The following FLOT2 variants were observed in gnomAD, a reference collection of about 807,000 sequenced individuals.
FLOT2 encodes flotillin-2.
In FLOT2, 35 loss-of-function variants were observed where a neutral mutation model predicts 54.9. The ratio of observed to expected loss-of-function variants is 0.64; its 90% CI spans 0.49 to 0.84. The LOEUF (loss-of-function observed/expected upper bound fraction) is 0.84. FLOT2 is among the 40% of genes least tolerant of loss of function. The pLI is 0.00. For missense variants in FLOT2, 464 were observed against 572.1 expected (o/e 0.81, Z 1.93); for synonymous variants, 207 against 228.9 (o/e 0.90, Z 0.86).
rs2039418897 is a variant in FLOT2, at chr17:28,879,904, A to C, written c.*657T>G. 1 of 986,004 alleles carries C rather than the reference A, an allele frequency of 1.0e-6. No individual in the cohort carries two copies. Among genetic ancestry groups the C allele is most frequent in the African/African-American group, 1.7e-5 (1 of 57,260 alleles). The allele number at this position is 986,004 out of a possible 1,614,324, so 61.1% of individuals were successfully genotyped here. ...AACTGAGGAAGCTGCTGTAGACAGG[A>C]GGCCTTGCCTCTGTGCCCTTGGGGT... On this transcript the variant is annotated 3_prime_UTR_variant, in exon 11 of 11. Transcript: ENST00000394908.
rs1181625425 is a variant in FLOT2 at position 28,897,696 on chromosome 17, C to T, written c.-122G>A. 6.8e-6 allele frequency: 6 copies of T among 886,630 alleles called. No homozygotes were observed. Among genetic ancestry groups the T allele is most frequent in the Non-Finnish European group, 9.0e-6 (6 of 665,134 alleles). 54.9% of individuals were successfully genotyped at this position (886,630 alleles called of 1,614,324 possible). ...CAGCGGCCGGCCGCCCGCTCGCTCG[C>T]CCGCGCCCCTCTGCGGTCGCAGCCC... On this transcript the variant is annotated 5_prime_UTR_variant, in exon 1 of 11. Coordinates refer to ENST00000394908, the MANE Select transcript of FLOT2 (RefSeq NM_004475.3). The surrounding 1 kb of genome is among the most constrained non-coding windows in gnomAD (Gnocchi z 4.4).
chr17:28,882,285 G>A lies in FLOT2; in HGVS notation c.580-48C>T. On this transcript the variant is annotated intron_variant, in intron 6 of 10. Transcript: ENST00000394908. The surrounding 1 kb of genome is among the most constrained non-coding windows in gnomAD (Gnocchi z 5.6). ...GGGAAGGTGAGTGAGTAGAGGTCCT[G>A]AGTCATCATGGTCCCATCACCCCTG... 6.2e-7 allele frequency: 1 copy of A among 1,614,010 alleles called. No homozygotes were observed. Among genetic ancestry groups the A allele is most frequent in the Non-Finnish European group, 8.5e-7 (1 of 1,179,972 alleles).
In FLOT2 at chr17:28,880,468, A is replaced by G; in HGVS notation, c.*93T>C. ...TCTGGTCCCTTCGAGATAAGGCACCAGAGTCAGTAACGTTCCCGTTGTTCT... is the reference window on the plus strand; with the variant it reads ...TCTGGTCCCTTCGAGATAAGGCACCGGAGTCAGTAACGTTCCCGTTGTTCT... On this transcript the variant is annotated 3_prime_UTR_variant, in exon 11 of 11. Transcript: ENST00000394908. 1 of 1,550,066 alleles carries G rather than the reference A, an allele frequency of 6.5e-7. No homozygotes were observed. Among genetic ancestry groups the G allele is most frequent in the Middle Eastern group, 2.2e-4 (1 of 4,484 alleles).
chr17:28,892,122 G>T (rs1396103137), intron 1 of FLOT2, among the ~76,000 whole-genome samples: 1 of 152,126 alleles, frequency 6.6e-6, no homozygotes, highest in Non-Finnish European at 1.5e-5. Flanking sequence ...AAGTGGGGTG[G>T]GGAGGCCTCT....
Position 28,884,458 on chromosome 17 carries a change from T to C in FLOT2, c.132-143A>G, listed in dbSNP as rs2039508916. Reference sequence around the variant, plus strand: ...ACTCTCCACGGGGCTGAGATGGGAGTGTCTGAGAAGGAGGTGGGCACGAGG... The same window carrying C: ...ACTCTCCACGGGGCTGAGATGGGAGCGTCTGAGAAGGAGGTGGGCACGAGG... On this transcript the variant is annotated intron_variant, in intron 2 of 10. Transcript: ENST00000394908. The surrounding 1 kb of genome is among the most constrained non-coding windows in gnomAD (Gnocchi z 5.1). 1.7e-6 allele frequency: 1 copy of C among 604,134 alleles called. No homozygotes were observed. The highest frequency in any genetic ancestry group is 2.0e-5 in the South Asian group (1 of 51,272). The allele number at this position is 604,134 out of a possible 1,614,324, so 37.4% of individuals were successfully genotyped here.
chr17:28,881,482 G>C, intron 8 of FLOT2, 107 bp from the exon 9 acceptor site: 1 of 1,195,954 alleles, frequency 8.4e-7, no homozygotes, highest in East Asian at 2.3e-5. Context: ...GGGCTGTCGG[G>C]GTGGGAGACA....
intron 2 of FLOT2, chr17:28,886,033 A>AGCACC (rs1302390350): frequency 1.7e-6 from 1 of 590,144 alleles, no homozygotes; most frequent in Admixed American, 2.3e-5. Context: ...TTACCAGACA[A>AGCACC]GCACCGATGC....
At chr17:28,892,075 G>A (rs1183360934) in intron 1 of FLOT2, among the ~76,000 whole-genome samples, 1 of 152,202 alleles carries the variant, frequency 6.6e-6, no homozygotes, top group African/African-American at 2.4e-5. Flanking sequence ...CAGGGCTGCT[G>A]TTCAAGGTAA....
Position 28,897,371 on chromosome 17 carries a change from G to T in FLOT2, c.49+155C>A. The T allele has an allele frequency of 1.6e-6, 1 of 635,352 alleles. No individual in the cohort carries two copies. Among genetic ancestry groups the T allele is most frequent in the Non-Finnish European group, 2.6e-6 (1 of 387,028 alleles). 39.4% of individuals were successfully genotyped at this position (635,352 alleles called of 1,614,324 possible). A position where few individuals can be genotyped will look rare whatever the true frequency, so the allele number is the denominator to read the frequency against. ...TGCGCAGCAAGGAAAGCGTGAGCACGAGATCTCTCTTGGAAGGGGCCTCAG... is the reference window on the plus strand; with the variant it reads ...TGCGCAGCAAGGAAAGCGTGAGCACTAGATCTCTCTTGGAAGGGGCCTCAG... On this transcript the variant is annotated intron_variant, in intron 1 of 10. Coordinates refer to ENST00000394908, the MANE Select transcript of FLOT2 (RefSeq NM_004475.3). The surrounding 1 kb of genome is among the most constrained non-coding windows in gnomAD (Gnocchi z 4.4).
intron 2 of FLOT2, chr17:28,885,938 C>T: frequency 6.5e-7 from 1 of 1,549,362 alleles, no homozygotes; most frequent in South Asian, 1.2e-5. Context: ...TCATAACCTC[C>T]AGAGACAGTC....
rs370507325 is a variant in FLOT2 at position 28,883,217 on chromosome 17, C to T, written c.237G>A (p.Thr79=). Residue 79 remains threonine (T), a synonymous_variant, in exon 4 of 11, where the codon ACG becomes ACA. Transcript: ENST00000394908. The surrounding 1 kb of genome is among the most constrained non-coding windows in gnomAD (Gnocchi z 5.0). The part of the protein sequence containing the change: ...VTGVAQVKIM[T]EKELLAVACE... ...AAGCCACGGCCAGGAGTTCCTTCTCCGTCATGATCTTCACCTGTCAGTGAC... is the reference window on the plus strand; with the variant it reads ...AAGCCACGGCCAGGAGTTCCTTCTCTGTCATGATCTTCACCTGTCAGTGAC... 56 of 1,613,944 alleles carry T rather than the reference C, an allele frequency of 3.5e-5. No homozygotes were observed. Among genetic ancestry groups the T allele is most frequent in the Non-Finnish European group, 4.3e-5 (51 of 1,179,996 alleles).
In FLOT2 at chr17:28,884,906, GA is replaced by G. The variant is rs1322812113; in HGVS notation, c.132-592del. Among the ~76,000 whole-genome samples the G allele has an allele frequency of 6.6e-6, 1 of 152,172 alleles. No individual in the cohort carries two copies. Among genetic ancestry groups the G allele is most frequent in the Non-Finnish European group, 1.5e-5 (1 of 68,020 alleles). ...ACCTGGTGGCTGCAGCCTTTGACTTGAAACCCATGTCTGGTATTAGGCCCAG... is the reference window on the plus strand; with the variant it reads ...ACCTGGTGGCTGCAGCCTTTGACTTGAACCCATGTCTGGTATTAGGCCCAG... On this transcript the variant is annotated intron_variant, in intron 2 of 10. Transcript: ENST00000394908. The surrounding 1 kb of genome is among the most constrained non-coding windows in gnomAD (Gnocchi z 5.1).
At position 28,880,421 on chromosome 17, in the gene FLOT2, G is replaced by A; in HGVS notation, c.*140C>T. On this transcript the variant is annotated 3_prime_UTR_variant, in exon 11 of 11. Coordinates refer to ENST00000394908, the MANE Select transcript of FLOT2 (RefSeq NM_004475.3). ...CAGGAGAGACAGGAAGACAGCCAGAGATGGCCTGAACACGCAGCACTTCTG... is the reference window on the plus strand; with the variant it reads ...CAGGAGAGACAGGAAGACAGCCAGAAATGGCCTGAACACGCAGCACTTCTG... 6.6e-7 allele frequency: 1 copy of A among 1,506,346 alleles called. No homozygotes were observed. The highest frequency in any genetic ancestry group is 8.9e-7 in the Non-Finnish European group (1 of 1,128,880). The allele number at this position is 1,506,346 out of a possible 1,614,324, so 93.3% of individuals were successfully genotyped here.
In FLOT2 at chr17:28,879,808, C is replaced by T. The variant is rs528373782; in HGVS notation, c.*753G>A. 91 of 986,030 alleles carry T rather than the reference C, an allele frequency of 9.2e-5. No individual in the cohort carries two copies. In the South Asian group the frequency reaches 1.4e-3, roughly 15 times the overall value. 61.1% of individuals were successfully genotyped at this position (986,030 alleles called of 1,614,324 possible). On this transcript the variant is annotated 3_prime_UTR_variant, in exon 11 of 11. Transcript: ENST00000394908. ...TAGCAGAGTTGGGACCAAACCGCAC[C>T]GCCCCAGCAGGAACATGCCCATGAA...
rs1266710245 is a variant in FLOT2, at chr17:28,882,504, G to A, written c.466-54C>T. On this transcript the variant is annotated intron_variant, in intron 5 of 10. Coordinates refer to ENST00000394908, the MANE Select transcript of FLOT2 (RefSeq NM_004475.3). The surrounding 1 kb of genome is among the most constrained non-coding windows in gnomAD (Gnocchi z 5.6). ...CAAAGGAGCAGCCAGAGGCACAAAG[G>A]TGCCCCTCTAACAAAGCCACCATCT... 99 of 1,591,736 alleles carry A rather than the reference G, an allele frequency of 6.2e-5. 1 individual carries two copies. The highest frequency in any genetic ancestry group is 7.8e-5 in the Non-Finnish European group (91 of 1,159,974).
chr17:28,894,311 A>T (rs2039704406), intron 1 of FLOT2, among the ~76,000 whole-genome samples: 1 of 150,840 alleles, frequency 6.6e-6, no homozygotes, highest in African/African-American at 2.4e-5. Flanking sequence ...ACACAGGGAG[A>T]CCCTGTCTCT....
Position 28,897,633 on chromosome 17 carries a change from C to CTG in FLOT2, c.-61_-60dup. The CTG allele has an allele frequency of 7.1e-7, 1 of 1,401,242 alleles. No homozygotes were observed. Among genetic ancestry groups the CTG allele is most frequent in the Non-Finnish European group, 9.4e-7 (1 of 1,062,724 alleles). 86.8% of individuals were successfully genotyped at this position (1,401,242 alleles called of 1,614,324 possible). A position where few individuals can be genotyped will look rare whatever the true frequency, so the allele number is the denominator to read the frequency against. ...ACAGACCCGGACAACAGCAGCGGGT[C>CTG]TGCAGCGCCGGCCGCGCCCAGCCTA... On this transcript the variant is annotated 5_prime_UTR_variant, in exon 1 of 11. Coordinates refer to ENST00000394908, the MANE Select transcript of FLOT2 (RefSeq NM_004475.3). The surrounding 1 kb of genome is among the most constrained non-coding windows in gnomAD (Gnocchi z 4.4).
chr17:28,888,168 C>T (rs985895622), intron 2 of FLOT2, among the ~76,000 whole-genome samples: 1 of 152,194 alleles, frequency 6.6e-6, no homozygotes, highest in Non-Finnish European at 1.5e-5. Context: ...CCCCTCCCCA[C>T]CGCCCCATCT....
intron 1 of FLOT2, among the ~76,000 whole-genome samples, chr17:28,891,720 G>A (rs2039654941): frequency 6.6e-6 from 1 of 152,130 alleles, no homozygotes; most frequent in South Asian, 2.1e-4. Flanking sequence ...TGTCCACATT[G>A]GACAGTGCAG....
Sources: allele counts gnomAD v4.1 joint callset (sites outside exome capture counted in the v4.1 genomes callset), GRCh38; gene constraint gnomAD v4.1.1; non-coding constraint Gnocchi (gnomAD v3.1); transcripts MANE v1.5; gene names NCBI Gene and HGNC (gene_info 2026-07-23, HGNC 2026-07-21).